Variants in SORCS1 observed in about 807,000 individuals in gnomAD.
SORCS1 encodes sortilin related VPS10 domain containing receptor 1.
In SORCS1, 60 loss-of-function variants were observed where a neutral mutation model predicts 146.1. The ratio of observed to expected loss-of-function variants is 0.41; its 90% confidence interval spans 0.33 to 0.51. The LOEUF (loss-of-function observed/expected upper bound fraction) is 0.51. SORCS1 is among the 20% of genes least tolerant of loss of function. SORCS1 has a pLI of 0.21. For missense variants in SORCS1, 1,352 were observed against 1,487.6 expected (o/e 0.91, Z 1.50); for synonymous variants, 637 against 584.0 (o/e 1.09, Z -1.31).
rs961953918 is a variant in SORCS1, at chr10:106,677,458, G to A, written c.1741-54C>T. The A allele has an allele frequency of 3.4e-6, 5 of 1,485,208 alleles. No individual in the cohort carries two copies. The East Asian group carries it at 1.1e-4, about 34-fold the overall frequency. 92.0% of individuals were successfully genotyped at this position (1,485,208 alleles called of 1,614,324 possible). A position where few individuals can be genotyped will look rare whatever the true frequency, so the allele number is the denominator to read the frequency against. ...CACATCCACATCCACACATACCCAG[G>A]CTTCAGAGAATCAGTCTTCACATGA... On this transcript the variant is annotated intron_variant, in intron 12 of 25. Transcript: ENST00000263054.
chr10:106,784,439 T>C (rs986636351), intron 3 of SORCS1, among the ~76,000 whole-genome samples: 1 of 149,850 alleles, frequency 6.7e-6, no homozygotes, highest in Non-Finnish European at 1.5e-5. Flanking sequence ...AGGGAAATAA[T>C]GATGTACACA....
At chr10:106,950,614 T>C (rs748929262) in intron 2 of SORCS1, among the ~76,000 whole-genome samples, 2 of 152,036 alleles carry the variant, frequency 1.3e-5, no homozygotes, top group African/African-American at 2.4e-5. Context: ...TGTGTGTATA[T>C]ATATACACAC....
At chr10:106,657,591 A>G (rs1043835672) in intron 17 of SORCS1, among the ~76,000 whole-genome samples, 4 of 151,374 alleles carry the variant, frequency 2.6e-5, no homozygotes, top group African/African-American at 7.3e-5. Flanking sequence ...GACCACTTGT[A>G]CTCCAAAAGG....
Position 106,871,845 on chromosome 10 carries a change from A to G in SORCS1, c.627-42172T>C, listed in dbSNP as rs547902139. 1.4e-4 allele frequency among the ~76,000 whole-genome samples: 22 copies of G among 151,954 alleles called. No individual in the cohort carries two copies. The South Asian group carries it at 3.5e-3, about 25-fold the overall frequency. On this transcript the variant is annotated intron_variant, in intron 2 of 25. Transcript: ENST00000263054. ...AATCTGTACAACAAACCCCCATGAC[A>G]TAAGTTTACCTATGCAACAAAGCTT...
chr10:106,712,410 C>T (rs188713128), intron 6 of SORCS1, among the ~76,000 whole-genome samples: 6 of 152,168 alleles, frequency 3.9e-5, no homozygotes, highest in Admixed American at 2.0e-4. Flanking sequence ...GGTTGGTTTC[C>T]TGAGAAAGGA....
intron 1 of SORCS1, among the ~76,000 whole-genome samples, chr10:106,970,466 G>A (rs1347967796): frequency 6.6e-6 from 1 of 150,608 alleles, no homozygotes; most frequent in Non-Finnish European, 1.5e-5. Flanking sequence ...AGCCTCCAGA[G>A]TAGCTGGGAT....
At chr10:106,724,514 A>C (rs1387215628) in intron 6 of SORCS1, among the ~76,000 whole-genome samples, 1 of 151,888 alleles carries the variant, frequency 6.6e-6, no homozygotes, top group African/African-American at 2.4e-5. Context: ...AGAAAAAAAA[A>C]CAAAATAAAA....
At chr10:106,926,528 C>A (rs1043762426) in intron 2 of SORCS1, among the ~76,000 whole-genome samples, 1 of 151,950 alleles carries the variant, frequency 6.6e-6, no homozygotes, top group Non-Finnish European at 1.5e-5. Flanking sequence ...TATAAAGTTA[C>A]CTTTTATTGA....
chr10:106,953,192 C>T (rs991431437), intron 2 of SORCS1, among the ~76,000 whole-genome samples: 26 of 150,648 alleles, frequency 1.7e-4, no homozygotes, highest in African/African-American at 2.4e-4. Flanking sequence ...TGTGTGTATA[C>T]GCATGGTCAT....
At chr10:107,170,547 C>T in the SORCS1 span, among the ~76,000 whole-genome samples, 1 of 152,178 alleles carries the variant, frequency 6.6e-6, no homozygotes, top group East Asian at 1.9e-4. Context: ...CAGTAGACTC[C>T]TGTGGCATAA....
chr10:106,643,698 C>A (rs1409631373), intron 18 of SORCS1, among the ~76,000 whole-genome samples: 1 of 152,218 alleles, frequency 6.6e-6, no homozygotes, highest in Admixed American at 6.5e-5. Context: ...GGCATGAATT[C>A]ACATATCTTC....
chr10:106,850,451 C>T lies in SORCS1; in HGVS notation c.627-20778G>A, dbSNP rs370381900. ...GCCTCGCCCTGCTTCGGCTCGCACACGGTGCGCGCACTCACTGGCCTGCGC... is the reference window on the plus strand; with the variant it reads ...GCCTCGCCCTGCTTCGGCTCGCACATGGTGCGCGCACTCACTGGCCTGCGC... On this transcript the variant is annotated intron_variant, in intron 2 of 25. Coordinates refer to ENST00000263054, the MANE Select transcript of SORCS1 (RefSeq NM_052918.5). Among the ~76,000 whole-genome samples, 321 of 152,158 alleles carry T rather than the reference C, an allele frequency of 2.1e-3. 1 individual carries two copies. The highest frequency in any genetic ancestry group is 0.014 in the East Asian group (72 of 5,146).
intron 1 of SORCS1, among the ~76,000 whole-genome samples, chr10:107,041,846 C>A (rs1181903325): frequency 6.6e-6 from 1 of 152,090 alleles, no homozygotes; most frequent in African/African-American, 2.4e-5. Flanking sequence ...GCCTCGATTT[C>A]TTTATCCCAA....
chr10:106,902,337 C>A (rs930575852), intron 2 of SORCS1, among the ~76,000 whole-genome samples: 1 of 151,964 alleles, frequency 6.6e-6, no homozygotes, highest in African/African-American at 2.4e-5. Context: ...TACTTACATA[C>A]AACAAAAATT....
chr10:106,667,582 T>C, intron 17 of SORCS1, 107 bp downstream of exon 17: 1 of 728,600 alleles, frequency 1.4e-6, no homozygotes, highest in East Asian at 2.7e-5. Context: ...TACATTGTGC[T>C]GTAAGGAAAT....
chr10:106,690,932 G>T (rs1853249248), intron 9 of SORCS1, among the ~76,000 whole-genome samples: 1 of 152,050 alleles, frequency 6.6e-6, no homozygotes, highest in Non-Finnish European at 1.5e-5. Context: ...CTATTCTAAG[G>T]TCTCATCCTA....
At chr10:106,952,542 ATATAT>A (rs35734331) in intron 2 of SORCS1, among the ~76,000 whole-genome samples, 11,576 of 142,988 alleles carry the variant, frequency 0.081, 1,150 homozygotes, top group African/African-American at 0.23. Flanking sequence ...ATGACACATT[ATATAT>A]TATATTATAT....
rs143378097 is a variant in SORCS1 at position 106,824,235 on chromosome 10, C to A, written c.726+5339G>T. Among the ~76,000 whole-genome samples the A allele has an allele frequency of 2.7e-5, 4 of 147,230 alleles. 1 individual carries two copies. In the South Asian group the frequency reaches 6.9e-4, roughly 25 times the overall value. ...AGAAGGATTGCTTCAACTCAGGAGG[C>A]GGAGGTTGCGGTTGTGCCACTGTAC... On this transcript the variant is annotated intron_variant, in intron 3 of 25. Transcript: ENST00000263054.
chr10:107,023,732 T>C (rs1304142881), intron 1 of SORCS1, among the ~76,000 whole-genome samples: 1 of 152,024 alleles, frequency 6.6e-6, no homozygotes, highest in Non-Finnish European at 1.5e-5. Flanking sequence ...ATAGAGGAAT[T>C]TGCTGTTATT....
Sources: gnomAD v4.1 joint callset for allele counts (sites outside exome capture counted in the v4.1 genomes callset) on GRCh38, gnomAD v4.1.1 for gene constraint, MANE v1.5 for transcripts, NCBI Gene and HGNC (gene_info 2026-07-23, HGNC 2026-07-21) for gene names.